GRIN3B: variants seen among roughly 807,000 people sequenced by gnomAD.
The protein encoded by GRIN3B is glutamate ionotropic receptor NMDA type subunit 3B.
GRIN3B carries 77 observed loss-of-function variants against 66.0 expected under a neutral mutation model. The ratio of observed to expected loss-of-function variants is 1.17; its 90% CI spans 0.97 to 1.41. The LOEUF is 1.41. GRIN3B is among the 40% of genes most tolerant of loss of function. The pLI, the probability that GRIN3B is intolerant of heterozygous loss-of-function variation, is 0.00. For missense variants in GRIN3B, 1,787 were observed against 1,564.5 expected (o/e 1.14, Z -2.40); for synonymous variants, 823 against 749.7 (o/e 1.10, Z -1.60).
rs374542881 is a variant in GRIN3B at position 1,008,190 on chromosome 19, G to C, written c.2365G>C (p.Glu789Gln). 6.2e-7 allele frequency: 1 copy of C among 1,610,618 alleles called. No homozygotes were observed. The highest frequency in any genetic ancestry group is 2.2e-5 in the East Asian group (1 of 44,824). ...CTCGCCGCTCACCTCCAACCTGTCC[G>C]AGTTCATCAGCCGCTACAAGTCCTC... Reference protein sequence around the residue: ...QNSPLTSNLSEFISRYKSSGF... With the variant: ...QNSPLTSNLSQFISRYKSSGF... Residue 789 changes from glutamate (E) to glutamine (Q), a missense_variant, in exon 6 of 9, where the codon GAG (glutamate) becomes CAG (glutamine). Glu to Gln is a conservative substitution (Grantham distance 29, BLOSUM62 2). Transcript: ENST00000234389.
At chr19:1,006,453 ATTATTT>A (rs1460377707) in intron 3 of GRIN3B, among the ~76,000 whole-genome samples, 2 of 151,326 alleles carry the variant, frequency 1.3e-5, no homozygotes, top group Non-Finnish European at 2.9e-5. Context: ...CCGTATTATT[ATTATTT>A]TTTTTTGAGA....
chr19:1,001,768 A>G (rs919847868), intron 1 of GRIN3B, among the ~76,000 whole-genome samples: 3 of 151,668 alleles, frequency 2.0e-5, no homozygotes, highest in African/African-American at 2.4e-5. Flanking sequence ...TGTCAAGGGG[A>G]CCCCTGTCCC....
At chr19:1,001,766 G>A (rs973364101) in intron 1 of GRIN3B, among the ~76,000 whole-genome samples, 1 of 152,090 alleles carries the variant, frequency 6.6e-6, no homozygotes, top group Non-Finnish European at 1.5e-5. Flanking sequence ...GGTGTCAAGG[G>A]GACCCCTGTC....
At position 1,005,985 on chromosome 19, in the gene GRIN3B, C is replaced by T. The variant is rs561941045; in HGVS notation, c.2052+432C>T. Among the ~76,000 whole-genome samples, 2 of 152,182 alleles carry T rather than the reference C, an allele frequency of 1.3e-5. No individual in the cohort carries two copies. Among genetic ancestry groups the T allele is most frequent in the Admixed American group, 1.3e-4 (2 of 15,284 alleles). On this transcript the variant is annotated intron_variant, in intron 3 of 8. Coordinates refer to ENST00000234389, the MANE Select transcript of GRIN3B (RefSeq NM_138690.3). This position sits in a 1 kb window ranked among gnomAD's most constrained non-coding sequence, Gnocchi z 5.2. ...CACCATTGCACTCTAGCCTGGGCAA[C>T]AGAGCAAGACTCCGTCTCAAAAAAC...
At position 1,004,688 on chromosome 19, in the gene GRIN3B, T is replaced by C. The variant is rs12978900; in HGVS notation, c.1187T>C (p.Leu396Ser). 0.033 allele frequency: 53,530 copies of C among 1,601,320 alleles called. 1,082 individuals are homozygous for C. The highest frequency in any genetic ancestry group is 0.084 in the East Asian group (3,712 of 44,284). Residue 396 changes from leucine to serine, a missense_variant, in exon 3 of 9, where the codon TTG (leucine) becomes TCG (serine). By Grantham distance (145) the Leu-to-Ser change is moderately radical (BLOSUM62 -2). Transcript: ENST00000234389. Reference protein sequence around the residue: ...VGSWRDGQLDLEPGGASARPP... With the variant: ...VGSWRDGQLDSEPGGASARPP... Reference sequence around the variant, plus strand: ...AGCTGGCGGGACGGCCAGCTGGACTTGGAACCGGGAGGTGCCTCTGCACGG... The same window carrying C: ...AGCTGGCGGGACGGCCAGCTGGACTCGGAACCGGGAGGTGCCTCTGCACGG...
Position 1,003,433 on chromosome 19 carries a change from C to T in GRIN3B, c.730C>T (p.Arg244Cys), listed in dbSNP as rs760156588. The stretch of plus-strand genomic sequence containing the variant: ...GGTCCTCCTCGGCTGTGACATCGCC[C>T]GTGCCCGTCGGGTGCTGGAGGCCGT... ...AAVLLGCDIARARRVLEAVPP... is the reference protein window; with the variant it reads ...AAVLLGCDIACARRVLEAVPP... The change falls in exon 2 of 9, where the codon CGT (arginine) becomes TGT (cysteine). Residue 244 changes from arginine to cysteine, a missense_variant. By Grantham distance (180) the Arg-to-Cys change is radical. Coordinates refer to ENST00000234389, the MANE Select transcript of GRIN3B (RefSeq NM_138690.3). The T allele has an allele frequency of 4.5e-6, 7 of 1,541,946 alleles. No homozygotes were observed. The highest frequency in any genetic ancestry group is 1.4e-5 in the African/African-American group (1 of 73,188).
rs947824550 is a variant in GRIN3B at position 1,003,396 on chromosome 19, G to A, written c.693G>A (p.Pro231=). ...PMAAPVGGEA[P]VPAAVLLGCD... Reference sequence around the variant, plus strand: ...CGGCGCCAGTGGGGGGTGAAGCACCGGTACCCGCGGCGGTCCTCCTCGGCT... The same window carrying A: ...CGGCGCCAGTGGGGGGTGAAGCACCAGTACCCGCGGCGGTCCTCCTCGGCT... The change falls in exon 2 of 9, where the codon CCG becomes CCA. Residue 231 remains proline, a synonymous_variant. Transcript: ENST00000234389. The A allele has an allele frequency of 1.5e-5, 23 of 1,556,828 alleles. No individual in the cohort carries two copies. Among genetic ancestry groups the A allele is most frequent in the South Asian group, 3.5e-5 (3 of 85,318 alleles).
chr19:1,001,338 A>C (rs2038682600), intron 1 of GRIN3B, among the ~76,000 whole-genome samples: 1 of 150,310 alleles, frequency 6.7e-6, no homozygotes, highest in Admixed American at 6.6e-5. Context: ...GCAGGTCTGG[A>C]TCTCCCTCCT....
chr19:1,008,414 T>C, intron 6 of GRIN3B, 123 bp downstream of exon 6: 2 of 1,079,878 alleles, frequency 1.9e-6, no homozygotes, highest in East Asian at 2.6e-5. Context: ...TTCTGCGCAC[T>C]TCTATTCACC....
At chr19:1,001,175 GC>G (rs976448845) in intron 1 of GRIN3B, among the ~76,000 whole-genome samples, 2 of 152,098 alleles carry the variant, frequency 1.3e-5, no homozygotes, top group African/African-American at 2.4e-5. Context: ...CGCCACTGTG[GC>G]CTCTGCCCCT....
intron 2 of GRIN3B, 32 bp from the exon 3 acceptor site, chr19:1,004,489 G>A (rs763825444): frequency 1.5e-5 from 23 of 1,550,354 alleles, no homozygotes; most frequent in Middle Eastern, 1.8e-4. Flanking sequence ...TGTGAACTTC[G>A]ACACCTGACA....
At chr19:1,008,327 GGTGGGC>G (rs141801690) in intron 6 of GRIN3B, 36 bp downstream of exon 6, 11,563 of 861,898 alleles carry the variant, frequency 0.013, 277 homozygotes, top group African/African-American at 0.078. Context: ...TGGGGGTGGG[GGTGGGC>G]GTGGGGGGCC....
At chr19:1,006,762 G>T (rs2038753236) in intron 3 of GRIN3B, among the ~76,000 whole-genome samples, 1 of 152,190 alleles carries the variant, frequency 6.6e-6, no homozygotes, top group African/African-American at 2.4e-5. Flanking sequence ...CATGCTGTCA[G>T]GTGAGCCGAC....
At chr19:1,003,781 C>A in intron 2 of GRIN3B, 59 bp downstream of exon 2, 1 of 1,268,174 alleles carries the variant, frequency 7.9e-7, no homozygotes, top group Non-Finnish European at 1.0e-6. Flanking sequence ...CTGCACTGCT[C>A]ATGGATCACA....
chr19:1,008,574 T>G, intron 6 of GRIN3B, 44 bp from the exon 7 acceptor site: 1 of 1,573,108 alleles, frequency 6.4e-7, no homozygotes, highest in South Asian at 1.1e-5. Flanking sequence ...CCCAGGGGCC[T>G]GCCATTACGT....
chr19:1,007,584 G>T lies in GRIN3B; in HGVS notation c.2053-44G>T. The T allele has an allele frequency of 1.4e-5, 20 of 1,439,672 alleles. No individual in the cohort carries two copies. Among genetic ancestry groups the T allele is most frequent in the Non-Finnish European group, 1.8e-5 (20 of 1,098,222 alleles). 89.2% of individuals were successfully genotyped at this position (1,439,672 alleles called of 1,614,324 possible). Reference sequence around the variant, plus strand: ...ACGGCGCGCCCCTCAATGGTCAGGGGTCCTGAGGGGCAGGCAGAGGCGCTG... The same window carrying T: ...ACGGCGCGCCCCTCAATGGTCAGGGTTCCTGAGGGGCAGGCAGAGGCGCTG... On this transcript the variant is annotated intron_variant, in intron 3 of 8. Transcript: ENST00000234389. This position sits in a 1 kb window ranked among gnomAD's most constrained non-coding sequence, Gnocchi z 4.4.
chr19:1,001,322 G>C (rs80228928), intron 1 of GRIN3B, among the ~76,000 whole-genome samples: 8,363 of 151,914 alleles, frequency 0.055, 366 homozygotes, highest in African/African-American at 0.12. Context: ...TGCAGTTTCG[G>C]GGTCTGCAGG....
At position 1,005,300 on chromosome 19, in the gene GRIN3B, C is replaced by T; in HGVS notation, c.1799C>T (p.Pro600Leu). ...CTCACCGTGTACGAGTGGCGTAGCC[C>T]CTACGGCCTCACGCCACGTGGCCGC... is the stretch of plus-strand genomic sequence containing the variant. ...LFLTVYEWRSPYGLTPRGRNR... is the reference protein window; with the variant it reads ...LFLTVYEWRSLYGLTPRGRNR... The change falls in exon 3 of 9, where the codon CCC (proline) becomes CTC (leucine). Residue 600 changes from proline (P) to leucine (L), a missense_variant. Pro to Leu is a moderately conservative substitution (Grantham distance 98, BLOSUM62 -3). Transcript: ENST00000234389. The surrounding 1 kb of genome is among the most constrained non-coding windows in gnomAD (Gnocchi z 5.2). 1 of 1,613,666 alleles carries T rather than the reference C, an allele frequency of 6.2e-7. No individual in the cohort carries two copies. The highest frequency in any genetic ancestry group is 1.1e-5 in the South Asian group (1 of 91,084).
Position 1,009,545 on chromosome 19 carries a change from C to T in GRIN3B, c.3075C>T (p.Ala1025=). The T allele has an allele frequency of 6.8e-7, 1 of 1,476,518 alleles. No homozygotes were observed. The highest frequency in any genetic ancestry group is 8.9e-7 in the Non-Finnish European group (1 of 1,119,526). 91.5% of individuals were successfully genotyped at this position (1,476,518 alleles called of 1,614,324 possible). A position where few individuals can be genotyped will look rare whatever the true frequency, so the allele number is the denominator to read the frequency against. The change falls in exon 9 of 9, where the codon GCC becomes GCT. Residue 1025 remains alanine, a synonymous_variant. Transcript: ENST00000234389. ...ACCGGCCTCGGCGCTTGCTTCAGGC[C>T]AGAGCGGCCCCCGCGGAGGCCCCAC... ...ARHRPRRLLQ[A]RAAPAEAPPH...
Sources: allele counts gnomAD v4.1 joint callset (sites outside exome capture counted in the v4.1 genomes callset), GRCh38; gene constraint gnomAD v4.1.1; non-coding constraint Gnocchi (gnomAD v3.1); transcripts MANE v1.5; gene names NCBI Gene and HGNC (gene_info 2026-07-23, HGNC 2026-07-21).